ZNF618: variants seen among roughly 807,000 people sequenced by gnomAD.
ZNF618 encodes zinc finger protein 618.
In ZNF618, 34 loss-of-function variants were observed where a neutral mutation model predicts 103.0. The ratio of observed to expected loss-of-function variants is 0.33; its 90% CI spans 0.25 to 0.44. ZNF618 has a LOEUF of 0.44. Among genes scored for constraint, ZNF618 ranks in the 20% least tolerant of loss-of-function variants. The pLI is 1.00. For synonymous variants in ZNF618, 551 were observed against 542.2 expected (o/e 1.02, Z -0.23); for missense variants, 1,059 against 1,295.4 (o/e 0.82, Z 2.80).
intron 1 of ZNF618, among the ~76,000 whole-genome samples, chr9:113,883,992 C>CCA (rs1828794866): frequency 2.1e-5 from 1 of 46,556 alleles, no homozygotes; most frequent in Non-Finnish European, 9.9e-5. Context: ...GCCCCCCCCC[C>CCA]CCCCCCCCCC....
chr9:113,899,030 C>T (rs925921121), intron 1 of ZNF618, among the ~76,000 whole-genome samples: 2 of 152,140 alleles, frequency 1.3e-5, no homozygotes, highest in African/African-American at 4.8e-5. Flanking sequence ...GATGGTCCCT[C>T]ATGATGTCCC....
chr9:113,963,280 AATTGTACCAGCTGG>A (rs1837038324), intron 1 of ZNF618, among the ~76,000 whole-genome samples: 1 of 152,214 alleles, frequency 6.6e-6, no homozygotes, highest in Admixed American at 6.5e-5. Context: ...CTGCAAGGTT[AATTGTACCAGCTGG>A]TCGTTTAAAA....
chr9:114,028,725 C>A lies in ZNF618; in HGVS notation c.845-8C>A. ...GGCCCTCGGGGACTGAGAGCGTGAC[C>A]CTCTCAGGTACTGCCCCCGGGTGGG... On this transcript the variant is annotated splice_region_variant and splice_polypyrimidine_tract_variant and intron_variant, in intron 10 of 14. Transcript: ENST00000374126. 1 of 1,548,458 alleles carries A rather than the reference C, an allele frequency of 6.5e-7. No homozygotes were observed. The highest frequency in any genetic ancestry group is 1.2e-5 in the South Asian group (1 of 83,982).
intron 1 of ZNF618, among the ~76,000 whole-genome samples, chr9:113,923,166 T>C (rs868183551): frequency 2.6e-5 from 4 of 152,248 alleles, no homozygotes; most frequent in Non-Finnish European, 5.9e-5. Context: ...TAATCACTTA[T>C]TAGTTCCAGT....
At chr9:113,910,027 C>T (rs1466743081) in intron 1 of ZNF618, among the ~76,000 whole-genome samples, 1 of 152,150 alleles carries the variant, frequency 6.6e-6, no homozygotes, top group Admixed American at 6.5e-5. Context: ...TCAGGATCTG[C>T]CCGCCTTGGC....
In ZNF618 at chr9:114,036,294, C is replaced by T; in HGVS notation, c.1169-6C>T. 6.4e-7 allele frequency: 1 copy of T among 1,566,268 alleles called. No homozygotes were observed. Among genetic ancestry groups the T allele is most frequent in the Non-Finnish European group, 8.7e-7 (1 of 1,154,874 alleles). On this transcript the variant is annotated splice_polypyrimidine_tract_variant and splice_region_variant and intron_variant, in intron 12 of 14. Coordinates refer to ENST00000374126, the MANE Select transcript of ZNF618 (RefSeq NM_001318042.2). ...CCTCACGTGGCTGCCGCATTTCTCC[C>T]TCCAGAACCCTACACCTGCGGCGCC...
At chr9:113,918,185 A>C (rs552499810) in intron 1 of ZNF618, among the ~76,000 whole-genome samples, 1 of 152,242 alleles carries the variant, frequency 6.6e-6, no homozygotes, top group African/African-American at 2.4e-5. Flanking sequence ...GAGGGTATGC[A>C]TTTCCGGCAA....
At chr9:114,024,555 C>A (rs910799150) in intron 10 of ZNF618, among the ~76,000 whole-genome samples, 2 of 152,246 alleles carry the variant, frequency 1.3e-5, no homozygotes, top group African/African-American at 4.8e-5. Flanking sequence ...TAGGACAGGT[C>A]TAGAATAGTT....
At chr9:113,978,890 A>G (rs1256403818) in intron 2 of ZNF618, among the ~76,000 whole-genome samples, 2 of 152,192 alleles carry the variant, frequency 1.3e-5, no homozygotes, top group Non-Finnish European at 2.9e-5. Context: ...CCGCCCCAGC[A>G]TGTCATAAGC....
intron 1 of ZNF618, among the ~76,000 whole-genome samples, chr9:113,954,792 C>T (rs949990984): frequency 2.0e-5 from 3 of 152,184 alleles, no homozygotes; most frequent in Non-Finnish European, 4.4e-5. Flanking sequence ...GTAGGATGCT[C>T]ATCAGGAAGA....
In ZNF618 at chr9:114,008,336, G is replaced by C. The variant is rs537204245; in HGVS notation, c.641-8G>C. The C allele has an allele frequency of 6.2e-7, 1 of 1,613,354 alleles. No individual in the cohort carries two copies. Among genetic ancestry groups the C allele is most frequent in the South Asian group, 1.1e-5 (1 of 91,048 alleles). On this transcript the variant is annotated splice_polypyrimidine_tract_variant and splice_region_variant and intron_variant, in intron 7 of 14. Coordinates refer to ENST00000374126, the MANE Select transcript of ZNF618 (RefSeq NM_001318042.2). ...CTTCTGCGGCTGCCGCCTCCTGCCCGGGCGCAGTGTTTAGTGTGGAAGGGG... is the reference window on the plus strand; with the variant it reads ...CTTCTGCGGCTGCCGCCTCCTGCCCCGGCGCAGTGTTTAGTGTGGAAGGGG...
chr9:113,971,518 A>G (rs990720218), intron 2 of ZNF618, among the ~76,000 whole-genome samples: 5 of 152,152 alleles, frequency 3.3e-5, no homozygotes, highest in Non-Finnish European at 4.4e-5. Flanking sequence ...CAGACATTCT[A>G]GTGTCTCCTG....
At chr9:113,970,947 T>A in intron 2 of ZNF618, among the ~76,000 whole-genome samples, 1 of 143,014 alleles carries the variant, frequency 7.0e-6, no homozygotes, top group African/African-American at 2.6e-5. Flanking sequence ...GTTTATGGGA[T>A]GGGCACACTA....
chr9:113,888,217 A>G (rs115743419), intron 1 of ZNF618, among the ~76,000 whole-genome samples: 1,680 of 152,320 alleles, frequency 0.011, 44 homozygotes, highest in African/African-American at 0.038. Context: ...AGGAAAGCAC[A>G]GTAACTTGCC....
intron 1 of ZNF618, among the ~76,000 whole-genome samples, chr9:113,885,392 AC>A (rs1828967020): frequency 6.6e-6 from 1 of 152,250 alleles, no homozygotes; most frequent in South Asian, 2.1e-4. Context: ...CTTTTTAAAT[AC>A]ACGTTACTTT....
Position 113,876,461 on chromosome 9 carries a change from G to A in ZNF618, c.33+48G>A, listed in dbSNP as rs911547346. 12 of 1,176,810 alleles carry A rather than the reference G, an allele frequency of 1.0e-5. No homozygotes were observed. The Admixed American group carries it at 4.5e-4, about 44-fold the overall frequency. The allele number at this position is 1,176,810 out of a possible 1,614,324, so 72.9% of individuals were successfully genotyped here. A position where few individuals can be genotyped will look rare whatever the true frequency, so the allele number is the denominator to read the frequency against. ...TGCACCGCGCGGGGGACCCCGGGGG[G>A]CCGGGGCCCGGGGCGCTGCGCCACT... On this transcript the variant is annotated intron_variant, in intron 1 of 14. Coordinates refer to ENST00000374126, the MANE Select transcript of ZNF618 (RefSeq NM_001318042.2).
At chr9:113,883,982 G>GCCGGCCC in intron 1 of ZNF618, among the ~76,000 whole-genome samples, 1 of 29,714 alleles carries the variant, frequency 3.4e-5, no homozygotes, top group African/African-American at 1.5e-4. Flanking sequence ...TCTGGGCTTG[G>GCCGGCCC]CCCCCCCCCC....
At chr9:114,039,452 G>A (rs918755021) in intron 13 of ZNF618, among the ~76,000 whole-genome samples, 4 of 150,208 alleles carry the variant, frequency 2.7e-5, no homozygotes, top group African/African-American at 4.9e-5. Context: ...CTGGGCTCAA[G>A]CGATTCTTGT....
chr9:114,033,546 G>A (rs972237627), intron 12 of ZNF618, among the ~76,000 whole-genome samples: 4 of 152,182 alleles, frequency 2.6e-5, no homozygotes, highest in South Asian at 4.2e-4. Context: ...GGTCTCTGGC[G>A]CCCCCTGACG....
Sources: allele counts gnomAD v4.1 joint callset (sites outside exome capture counted in the v4.1 genomes callset), GRCh38; gene constraint gnomAD v4.1.1; transcripts MANE v1.5; gene names NCBI Gene and HGNC (gene_info 2026-07-23, HGNC 2026-07-21).